DGKI: variants seen among roughly 807,000 people sequenced by gnomAD.
DGKI encodes the protein DAG kinase iota.
DGKI carries 55 observed loss-of-function variants against 147.5 expected under a neutral mutation model. That is an observed-to-expected ratio of 0.37 (90% CI 0.30 to 0.47). The LOEUF (loss-of-function observed/expected upper bound fraction) is 0.47, where lower values mean the gene tolerates loss of function less well. Ranked by LOEUF, DGKI falls within the 20% of genes least tolerant of loss-of-function variation. The pLI, the probability that DGKI is intolerant of heterozygous loss-of-function variation, is 1.00. For synonymous variants in DGKI, 469 were observed against 477.1 expected, an observed-to-expected ratio of 0.98 and a Z score of 0.22; for missense variants, 1,007 against 1,323.8, an observed-to-expected ratio of 0.76 and a Z score of 3.71.
intron 19 of DGKI, among the ~76,000 whole-genome samples, chr7:137,559,755 G>A (rs566175710): frequency 6.6e-6 from 1 of 151,720 alleles, no homozygotes; most frequent in African/African-American, 2.4e-5. Context: ...CAGTTTCATA[G>A]CTGTTAGTGA....
At chr7:137,505,413 T>C (rs1490764323) in intron 21 of DGKI, among the ~76,000 whole-genome samples, 3 of 152,162 alleles carry the variant, frequency 2.0e-5, no homozygotes, top group African/African-American at 7.2e-5. Context: ...TCATTTATGC[T>C]GTTGTAGTTG....
At chr7:137,742,145 A>G (rs1239371688) in intron 1 of DGKI, among the ~76,000 whole-genome samples, 2 of 152,144 alleles carry the variant, frequency 1.3e-5, no homozygotes, top group African/African-American at 2.4e-5. Flanking sequence ...CAAACAGGAA[A>G]AGAGATAAAC....
intron 1 of DGKI, among the ~76,000 whole-genome samples, chr7:137,780,354 G>A (rs1035226936): frequency 6.6e-6 from 1 of 152,224 alleles, no homozygotes; most frequent in Admixed American, 6.5e-5. Flanking sequence ...GAGAAGTAGA[G>A]TAAGCTATCA....
chr7:137,784,483 A>C (rs997049141), intron 1 of DGKI, among the ~76,000 whole-genome samples: 1 of 152,138 alleles, frequency 6.6e-6, no homozygotes, highest in Non-Finnish European at 1.5e-5. Flanking sequence ...AACAATTACT[A>C]CTAGACCTAA....
chr7:137,575,318 C>T (rs1272528296), intron 17 of DGKI, among the ~76,000 whole-genome samples: 1 of 152,124 alleles, frequency 6.6e-6, no homozygotes, highest in Non-Finnish European at 1.5e-5. Context: ...TTATTTGCTG[C>T]CATTTTGGCC....
At chr7:137,432,517 A>G (rs549564009) in intron 28 of DGKI, among the ~76,000 whole-genome samples, 94 of 152,306 alleles carry the variant, frequency 6.2e-4, no homozygotes, top group African/African-American at 2.0e-3. Context: ...AGCAAACTGT[A>G]TGCTAGGTCT....
chr7:137,835,694 T>C (rs1184509031), intron 1 of DGKI, among the ~76,000 whole-genome samples: 3 of 152,322 alleles, frequency 2.0e-5, no homozygotes, highest in South Asian at 2.1e-4. Flanking sequence ...GTCATCCTCA[T>C]TGTCAATGCA....
chr7:137,720,432 G>C (rs1212469285), intron 1 of DGKI, among the ~76,000 whole-genome samples: 1 of 151,630 alleles, frequency 6.6e-6, no homozygotes, highest in Non-Finnish European at 1.5e-5. Context: ...TAATTTTTTT[G>C]TATTTTTAGT....
chr7:137,505,002 C>T (rs375328547), intron 21 of DGKI, among the ~76,000 whole-genome samples: 17 of 151,712 alleles, frequency 1.1e-4, no homozygotes, highest in African/African-American at 4.1e-4. Flanking sequence ...GGTATCCCAT[C>T]ATTCTAAGCA....
intron 1 of DGKI, among the ~76,000 whole-genome samples, chr7:137,703,407 A>G (rs1048922414): frequency 6.6e-6 from 1 of 152,242 alleles, no homozygotes; most frequent in Non-Finnish European, 1.5e-5. Flanking sequence ...ACACATGCTC[A>G]GGAAAAATCT....
intron 12 of DGKI, among the ~76,000 whole-genome samples, chr7:137,588,475 CTTTT>C (rs71533759): frequency 7.7e-5 from 9 of 116,722 alleles, no homozygotes; most frequent in African/African-American, 2.9e-4. Flanking sequence ...CATACCGATG[CTTTT>C]TTTTTTTTTT....
chr7:137,441,193 G>A (rs567901927), intron 28 of DGKI, among the ~76,000 whole-genome samples: 1 of 152,132 alleles, frequency 6.6e-6, no homozygotes, highest in South Asian at 2.1e-4. Flanking sequence ...GGCCGAGGTG[G>A]GCGAATCGAG....
At chr7:137,621,476 A>G (rs545246075) in intron 7 of DGKI, among the ~76,000 whole-genome samples, 1 of 152,184 alleles carries the variant, frequency 6.6e-6, no homozygotes, top group Non-Finnish European at 1.5e-5. Context: ...CCCAAACCCC[A>G]TATTCTTTCT....
chr7:137,414,179 A>G (rs2128902434), intron 28 of DGKI, among the ~76,000 whole-genome samples: 1 of 152,320 alleles, frequency 6.6e-6, no homozygotes, highest in Non-Finnish European at 1.5e-5. Context: ...CTGGGTGAGC[A>G]GATGCAAAGG....
chr7:137,481,194 C>T (rs35481034), intron 23 of DGKI, among the ~76,000 whole-genome samples: 18,759 of 152,094 alleles, frequency 0.12, 1,411 homozygotes, highest in African/African-American at 0.21. Context: ...AGTCTTCAGA[C>T]CTTGCCAAAT....
chr7:137,673,353 C>G (rs1326303521), intron 3 of DGKI, among the ~76,000 whole-genome samples: 1 of 152,164 alleles, frequency 6.6e-6, no homozygotes, highest in Non-Finnish European at 1.5e-5. Context: ...TCTCTCTACC[C>G]TGACAGTGAA....
intron 10 of DGKI, among the ~76,000 whole-genome samples, chr7:137,604,425 C>T (rs1820100677): frequency 6.6e-6 from 1 of 152,172 alleles, no homozygotes; most frequent in African/African-American, 2.4e-5. Context: ...TTCTGTCTTC[C>T]CCTTCTCCCC....
Position 137,664,395 on chromosome 7 carries a change from A to AAAG in DGKI, c.607-7856_607-7855insCTT, listed in dbSNP as rs1822560072. Reference sequence around the variant, plus strand: ...TCCATCTCAAAAAAAAAAAAAAAAAAAAAGAAAGAAAGAAAGAAAAAAAAG... The same window carrying AAAG: ...TCCATCTCAAAAAAAAAAAAAAAAAAAAGAAAGAAAGAAAGAAAGAAAAAAAAG... On this transcript the variant is annotated intron_variant, in intron 3 of 32. Coordinates refer to ENST00000614521, the MANE Select transcript of DGKI (RefSeq NM_001321708.2). Among the ~76,000 whole-genome samples, 10 of 138,292 alleles carry AAAG rather than the reference A, an allele frequency of 7.2e-5. No homozygotes were observed. The South Asian group carries it at 1.5e-3, about 20-fold the overall frequency. 90.7% of individuals were successfully genotyped at this position (138,292 alleles called of 152,430 possible).
At chr7:137,474,752 G>A (rs774271043) in intron 23 of DGKI, among the ~76,000 whole-genome samples, 1 of 152,180 alleles carries the variant, frequency 6.6e-6, no homozygotes, top group Non-Finnish European at 1.5e-5. Context: ...AACAAGGCGA[G>A]AGATTGTATG....
Sources: allele counts gnomAD v4.1 joint callset (sites outside exome capture counted in the v4.1 genomes callset), GRCh38; gene constraint gnomAD v4.1.1; transcripts MANE v1.5; gene names NCBI Gene and HGNC (gene_info 2026-07-23, HGNC 2026-07-21).